CRIP2: variants seen among roughly 807,000 people sequenced by gnomAD.
CRIP2 encodes cysteine-rich protein 2.
Under a neutral mutation model 31.3 loss-of-function variants are expected in CRIP2, and 31 were observed. That is an observed-to-expected ratio of 0.99 (90% CI 0.74 to 1.34). The LOEUF (loss-of-function observed/expected upper bound fraction) is 1.34, where lower values mean the gene tolerates loss of function less well. CRIP2 is among the 40% of genes most tolerant of loss of function. CRIP2 has a pLI of 0.00. For missense variants in CRIP2, 389 were observed against 301.6 expected, an observed-to-expected ratio of 1.29 and a Z score of -2.15; for synonymous variants, 177 against 127.2, an observed-to-expected ratio of 1.39 and a Z score of -2.63.
At chr14:105,475,791 G>A (rs1309712960) in intron 1 of CRIP2, 2 of 982,862 alleles carry the variant, frequency 2.0e-6, no homozygotes, top group Non-Finnish European at 2.4e-6. Flanking sequence ...TCGCTGCCCA[G>A]CTTTCTCCAG....
rs782540339 is a variant in CRIP2, at chr14:105,478,972, C to T, written c.338-7C>T. Reference sequence around the variant, plus strand: ...CCCCGCCCCGCCCTGACTCGTGCGCCCCACAGCCTCCAGTGTCACCACTTT... The same window carrying T: ...CCCCGCCCCGCCCTGACTCGTGCGCTCCACAGCCTCCAGTGTCACCACTTT... On this transcript the variant is annotated splice_region_variant and splice_polypyrimidine_tract_variant and intron_variant, in intron 4 of 7. Transcript: ENST00000329146. This position sits in a 1 kb window ranked among gnomAD's most constrained non-coding sequence, Gnocchi z 4.9. The T allele has an allele frequency of 5.8e-6, 9 of 1,563,518 alleles. No homozygotes were observed. Among genetic ancestry groups the T allele is most frequent in the Middle Eastern group, 2.2e-4 (1 of 4,484 alleles).
Position 105,474,867 on chromosome 14 carries a change from C to G in CRIP2, c.5C>G (p.Ala2Gly). 1 of 1,508,680 alleles carries G rather than the reference C, an allele frequency of 6.6e-7. No homozygotes were observed. 93.5% of individuals were successfully genotyped at this position (1,508,680 alleles called of 1,614,324 possible). The change falls in exon 1 of 8, where the codon GCC (alanine) becomes GGC (glycine). Residue 2 changes from alanine (A) to glycine (G), a missense_variant. Ala to Gly is a moderately conservative substitution (Grantham distance 60). Coordinates refer to ENST00000329146, the MANE Select transcript of CRIP2 (RefSeq NM_001312.4). This position sits in a 1 kb window ranked among gnomAD's most constrained non-coding sequence, Gnocchi z 5.1. ...GGCCGACCGGGCGCACCGACCATGGCCTCCAAATGCCCCAAGTGCGACAAG... is the reference window on the plus strand; with the variant it reads ...GGCCGACCGGGCGCACCGACCATGGGCTCCAAATGCCCCAAGTGCGACAAG... M[A>G]SKCPKCDKTV...
chr14:105,478,915 G>C lies in CRIP2; in HGVS notation c.337+44G>C. 4 of 1,496,878 alleles carry C rather than the reference G, an allele frequency of 2.7e-6. No individual in the cohort carries two copies. Among genetic ancestry groups the C allele is most frequent in the Non-Finnish European group, 3.5e-6 (4 of 1,130,440 alleles). 92.7% of individuals were successfully genotyped at this position (1,496,878 alleles called of 1,614,324 possible). On this transcript the variant is annotated intron_variant, in intron 4 of 7. Coordinates refer to ENST00000329146, the MANE Select transcript of CRIP2 (RefSeq NM_001312.4). This position sits in a 1 kb window ranked among gnomAD's most constrained non-coding sequence, Gnocchi z 4.9. ...GGGGCTGGGGGTTGTGGGCACGCGC[G>C]GGCTGGGGCTGGGGGTTGTGGGCAC...
chr14:105,478,446 G>C lies in CRIP2; in HGVS notation c.139-4G>C, dbSNP rs782075822. 1 of 1,603,608 alleles carries C rather than the reference G, an allele frequency of 6.2e-7. No individual in the cohort carries two copies. The highest frequency in any genetic ancestry group is 2.2e-5 in the East Asian group (1 of 44,656). ...AGGGTCCTGACCCGCGCCCCTCTGC[G>C]CAGCATGACGGGAAGCCGTTCTGCC... On this transcript the variant is annotated splice_polypyrimidine_tract_variant and splice_region_variant and intron_variant, in intron 2 of 7. Coordinates refer to ENST00000329146, the MANE Select transcript of CRIP2 (RefSeq NM_001312.4). The surrounding 1 kb of genome is among the most constrained non-coding windows in gnomAD (Gnocchi z 4.9).
At chr14:105,475,246 C>T in intron 1 of CRIP2, 1 of 233,144 alleles carries the variant, frequency 4.3e-6, no homozygotes, top group Admixed American at 5.8e-5. Flanking sequence ...CGGCGCCGGG[C>T]GGGGCGGGGC....
intron 1 of CRIP2, chr14:105,477,127 G>A (rs1445742241): frequency 2.9e-6 from 1 of 347,720 alleles, no homozygotes; most frequent in Non-Finnish European, 4.1e-6. Flanking sequence ...CCTCCCCCCA[G>A]GGCCTGCAGC....
chr14:105,474,744 C>T, upstream of CRIP2: 1 of 1,062,162 alleles, frequency 9.4e-7, no homozygotes. This position sits in a 1 kb window ranked among gnomAD's most constrained non-coding sequence, Gnocchi z 5.1. Flanking sequence ...TTATCGAGGC[C>T]CCGCCCCGGC....
chr14:105,477,145 C>T, intron 1 of CRIP2: 1 of 448,546 alleles, frequency 2.2e-6, no homozygotes, highest in Non-Finnish European at 2.9e-6. Context: ...AGCTTGTCCC[C>T]TTCCCTTCAG....
Position 105,476,098 on chromosome 14 carries a change from A to C in CRIP2, c.43+1193A>C, listed in dbSNP as rs587742832. 445 of 985,566 alleles carry C rather than the reference A, an allele frequency of 4.5e-4. 1 individual carries two copies. The Middle Eastern group carries it at 8.9e-3, about 20-fold the overall frequency. The allele number at this position is 985,566 out of a possible 1,614,324, so 61.1% of individuals were successfully genotyped here. On this transcript the variant is annotated intron_variant, in intron 1 of 7. Coordinates refer to ENST00000329146, the MANE Select transcript of CRIP2 (RefSeq NM_001312.4). ...CGGCTGCCTCTCCTGGAGCCCGCTC[A>C]GCCCTCAGTCTCTGTCCCAGCGAGG...
In CRIP2 at chr14:105,478,167, G is replaced by C; in HGVS notation, c.44-99G>C. The C allele has an allele frequency of 6.3e-6, 6 of 957,192 alleles. No individual in the cohort carries two copies. Among genetic ancestry groups the C allele is most frequent in the Middle Eastern group, 6.8e-4 (2 of 2,920 alleles). 59.3% of individuals were successfully genotyped at this position (957,192 alleles called of 1,614,324 possible). On this transcript the variant is annotated intron_variant, in intron 1 of 7. Coordinates refer to ENST00000329146, the MANE Select transcript of CRIP2 (RefSeq NM_001312.4). The surrounding 1 kb of genome is among the most constrained non-coding windows in gnomAD (Gnocchi z 4.9). Reference sequence around the variant, plus strand: ...CGCCTGGGAGACCTCCTGAAAGTGGGGACCCCCGGAGCGCGTGGGGGTGGT... The same window carrying C: ...CGCCTGGGAGACCTCCTGAAAGTGGCGACCCCCGGAGCGCGTGGGGGTGGT...
Position 105,480,030 on chromosome 14 carries a change from C to T in CRIP2, c.*377C>T. ...TCGTGGGTGATGGCCACGCCCTCAC[C>T]ATGTCCCTGGCAGAGGGCTTCCCTC... On this transcript the variant is annotated 3_prime_UTR_variant, in exon 8 of 8. Transcript: ENST00000329146. 4.0e-6 allele frequency: 1 copy of T among 250,540 alleles called. No homozygotes were observed. The highest frequency in any genetic ancestry group is 7.9e-6 in the Non-Finnish European group (1 of 126,410). The allele number at this position is 250,540 out of a possible 1,614,324, so 15.5% of individuals were successfully genotyped here.
chr14:105,473,240 A>G, upstream of CRIP2: 1 of 1,521,232 alleles, frequency 6.6e-7, no homozygotes, highest in Non-Finnish European at 8.8e-7. Context: ...CAGAAAAGGT[A>G]CTGACTGATG....
In CRIP2 at chr14:105,479,462, G is replaced by T; in HGVS notation, c.528G>T (p.Lys176Asn). ...ACGACGGCCAGCCCTACTGCCACAAGCCCTGCTATGGAATCCTCTTCGGAC... is the reference window on the plus strand; with the variant it reads ...ACGACGGCCAGCCCTACTGCCACAATCCCTGCTATGGAATCCTCTTCGGAC... ...AEHDGQPYCH[K>N]PCYGILFGPK... is the part of the protein sequence containing the mutation. The change falls in exon 7 of 8, where the codon AAG (lysine) becomes AAT (asparagine). Residue 176 changes from lysine to asparagine, a missense_variant. Physicochemically the swap from Lys to Asn is moderately conservative, Grantham distance 94 (BLOSUM62 0). Transcript: ENST00000329146. 6.2e-7 allele frequency: 1 copy of T among 1,612,946 alleles called. No homozygotes were observed. The highest frequency in any genetic ancestry group is 8.5e-7 in the Non-Finnish European group (1 of 1,179,964).
chr14:105,477,887 CG>C (rs1567061784), intron 1 of CRIP2, among the ~76,000 whole-genome samples: 2 of 21,026 alleles, frequency 9.5e-5, no homozygotes, highest in Non-Finnish European at 2.3e-3. Context: ...GGTGTTGGAG[CG>C]CGGGCAGGTG....
At position 105,479,043 on chromosome 14, in the gene CRIP2, C is replaced by A; in HGVS notation, c.402C>A (p.Tyr134Ter). 1.3e-6 allele frequency: 2 copies of A among 1,578,628 alleles called. No homozygotes were observed. The highest frequency in any genetic ancestry group is 2.3e-5 in the South Asian group (2 of 86,520). ...GCCCGCGCTGCAGCAAGAAGGTGTACTTCGGTGAGTGCGCGCCCGGGCCCC... is the reference window on the plus strand; with the variant it reads ...GCCCGCGCTGCAGCAAGAAGGTGTAATTCGGTGAGTGCGCGCCCGGGCCCC... ...NTCPRCSKKVYFAEKVTSLGK... is the reference protein window; with the variant it reads ...NTCPRCSKKV The change falls in exon 5 of 8, where the codon TAC (tyrosine) becomes TAA (stop). Residue 134 changes from tyrosine to a stop codon, truncating the protein, a stop_gained. Coordinates refer to ENST00000329146, the MANE Select transcript of CRIP2 (RefSeq NM_001312.4). LOFTEE classifies it high-confidence loss of function.
chr14:105,474,342 G>C (rs1324891236), upstream of CRIP2: 1 of 151,728 alleles, frequency 6.6e-6, no homozygotes, highest in African/African-American at 2.4e-5. The surrounding 1 kb of genome is among the most constrained non-coding windows in gnomAD (Gnocchi z 5.1). Flanking sequence ...AAAGGGAAGC[G>C]GGACAGGCGC....
chr14:105,478,234 G>A lies in CRIP2; in HGVS notation c.44-32G>A. ...CGGAGGGGGTGCGGGGCGCGCCCCG[G>A]CCCTGACCCCCCTGCCGCCCCTCCC... On this transcript the variant is annotated intron_variant, in intron 1 of 7. Transcript: ENST00000329146. The surrounding 1 kb of genome is among the most constrained non-coding windows in gnomAD (Gnocchi z 4.9). 3 of 1,493,084 alleles carry A rather than the reference G, an allele frequency of 2.0e-6. No individual in the cohort carries two copies. Among genetic ancestry groups the A allele is most frequent in the Non-Finnish European group, 2.7e-6 (3 of 1,119,352 alleles). 92.5% of individuals were successfully genotyped at this position (1,493,084 alleles called of 1,614,324 possible).
chr14:105,473,405 G>A (rs1341788591), upstream of CRIP2: 9 of 1,535,620 alleles, frequency 5.9e-6, no homozygotes, highest in African/African-American at 9.6e-5. Context: ...TGCAAGGGAG[G>A]AGGGTGCTGC....
At chr14:105,477,951 C>T (rs112309242) in intron 1 of CRIP2, among the ~76,000 whole-genome samples, 1,819 of 115,532 alleles carry the variant, frequency 0.016, 151 homozygotes, top group African/African-American at 0.12. Context: ...CGCGGGCAGG[C>T]TCGAGCACAG....
Sources: gnomAD v4.1 joint callset for allele counts (sites outside exome capture counted in the v4.1 genomes callset) on GRCh38, gnomAD v4.1.1 for gene constraint, Gnocchi (gnomAD v3.1) non-coding constraint, MANE v1.5 for transcripts, NCBI Gene and HGNC (gene_info 2026-07-23, HGNC 2026-07-21) for gene names.